The following MCPH1 variants were observed in gnomAD, a reference collection of about 807,000 sequenced individuals.
The protein encoded by MCPH1 is microcephalin.
MCPH1 carries 104 observed loss-of-function variants against 84.5 expected under a neutral mutation model. The ratio of observed to expected loss-of-function variants is 1.23; its 90% CI spans 1.05 to 1.45. The LOEUF (loss-of-function observed/expected upper bound fraction) is 1.45. MCPH1 is among the 40% of genes most tolerant of loss of function. The pLI, the probability that MCPH1 is intolerant of heterozygous loss-of-function variation, is 0.00. For synonymous variants in MCPH1, 514 were observed against 366.8 expected (o/e 1.40, Z -4.58); for missense variants, 1,498 against 1,005.7 (o/e 1.49, Z -6.62).
chr8:6,471,540 G>A (rs560769453), intron 9 of MCPH1, among the ~76,000 whole-genome samples: 1 of 152,236 alleles, frequency 6.6e-6, no homozygotes, highest in East Asian at 1.9e-4. Context: ...GAAGAGAAAG[G>A]GTTCCTTATG....
chr8:6,498,866 C>G (rs780295039), intron 11 of MCPH1, among the ~76,000 whole-genome samples: 1 of 151,818 alleles, frequency 6.6e-6, no homozygotes, highest in Non-Finnish European at 1.5e-5. Flanking sequence ...CTGGCCAACA[C>G]GGTGAAACCC....
intron 9 of MCPH1, among the ~76,000 whole-genome samples, chr8:6,467,653 T>C (rs1807148773): frequency 6.6e-6 from 1 of 152,158 alleles, no homozygotes; most frequent in African/African-American, 2.4e-5. Flanking sequence ...TGGAGTGCCG[T>C]GGCGAGATCA....
intron 12 of MCPH1, chr8:6,500,705 C>G (rs948751339): frequency 6.6e-6 from 1 of 152,172 alleles, no homozygotes; most frequent in African/African-American, 2.4e-5. Flanking sequence ...GCTTTATAAA[C>G]ATTTTCTTAA....
chr8:6,414,591 A>T (rs148384570), intron 2 of MCPH1, among the ~76,000 whole-genome samples, 174 bp from the exon 3 acceptor site: 10 of 152,282 alleles, frequency 6.6e-5, no homozygotes, highest in African/African-American at 2.4e-4. Context: ...TGTGTGTATG[A>T]TTCACCGTTG....
chr8:6,527,377 G>A (rs1458516575), intron 12 of MCPH1, among the ~76,000 whole-genome samples: 1 of 152,258 alleles, frequency 6.6e-6, no homozygotes, highest in African/African-American at 2.4e-5. Flanking sequence ...TGTTAGGAGA[G>A]CTGTGCCTGT....
At chr8:6,622,338 C>T (rs1352384457) in intron 13 of MCPH1, 1 of 157,632 alleles carries the variant, frequency 6.3e-6, no homozygotes, top group East Asian at 1.9e-4. Context: ...CGTGCTAACA[C>T]ACGGGCTCCA....
intron 12 of MCPH1, among the ~76,000 whole-genome samples, chr8:6,522,682 G>C (rs992159232): frequency 6.6e-6 from 1 of 151,524 alleles, no homozygotes; most frequent in African/African-American, 2.4e-5. Context: ...GCTGAGGCAG[G>C]AGAACTGCTT....
chr8:6,637,848 G>A (rs1411227737), intron 13 of MCPH1, among the ~76,000 whole-genome samples: 1 of 152,116 alleles, frequency 6.6e-6, no homozygotes, highest in Non-Finnish European at 1.5e-5. Context: ...TAGGACCAGG[G>A]ACGTATCGAT....
chr8:6,414,196 C>G (rs1585588108), intron 2 of MCPH1, among the ~76,000 whole-genome samples: 1 of 152,164 alleles, frequency 6.6e-6, no homozygotes, highest in East Asian at 1.9e-4. Context: ...TTAGTAGAGA[C>G]AAGGTTTCAC....
At chr8:6,415,398 A>G (rs1349272778) in intron 3 of MCPH1, among the ~76,000 whole-genome samples, 3 of 150,498 alleles carry the variant, frequency 2.0e-5, no homozygotes, top group Non-Finnish European at 2.9e-5. Context: ...AGTGATTCTT[A>G]TGCCTCAGCC....
At chr8:6,541,292 C>T (rs1482571757) in intron 12 of MCPH1, among the ~76,000 whole-genome samples, 1 of 152,196 alleles carries the variant, frequency 6.6e-6, no homozygotes, top group Non-Finnish European at 1.5e-5. Flanking sequence ...TCAGTGCCCA[C>T]CCCAAGTCTC....
intron 13 of MCPH1, chr8:6,625,811 T>C (rs1477841193): frequency 1.2e-5 from 12 of 985,238 alleles, no homozygotes; most frequent in African/African-American, 7.0e-5. Flanking sequence ...GAATCATTTT[T>C]CAGTGCCTTT....
intron 4 of MCPH1, among the ~76,000 whole-genome samples, chr8:6,434,584 T>A (rs1802363475): frequency 6.6e-6 from 1 of 152,238 alleles, no homozygotes; most frequent in African/African-American, 2.4e-5. Context: ...ACAAGCTCCA[T>A]GATGACAAGG....
intron 12 of MCPH1, among the ~76,000 whole-genome samples, chr8:6,515,289 G>C (rs144427712): frequency 1.3e-5 from 2 of 152,182 alleles, no homozygotes; most frequent in African/African-American, 4.8e-5. Flanking sequence ...TTACATTCTC[G>C]TACTGTGGGG....
chr8:6,568,154 T>C (rs1419446028), intron 12 of MCPH1, among the ~76,000 whole-genome samples: 1 of 152,116 alleles, frequency 6.6e-6, no homozygotes, highest in Non-Finnish European at 1.5e-5. Flanking sequence ...CCCTTTTGGC[T>C]CAGTTTGCCC....
intron 13 of MCPH1, chr8:6,622,088 G>A (rs1563203589): frequency 5.9e-6 from 2 of 337,224 alleles, no homozygotes; most frequent in African/African-American, 2.1e-5. Context: ...TGGGGCCCAA[G>A]CCCCCGTCCC....
chr8:6,640,079 TGTGTGTGTGTGTGTGTGTGC>T (rs1433966183), intron 13 of MCPH1, among the ~76,000 whole-genome samples: 1 of 144,240 alleles, frequency 6.9e-6, no homozygotes, highest in African/African-American at 2.7e-5. Context: ...TGTGTGTGTG[TGTGTGTGTGTGTGTGTGTGC>T]GCGCGCGTGT....
At chr8:6,439,747 A>G (rs1803232088) in intron 6 of MCPH1, among the ~76,000 whole-genome samples, 1 of 152,206 alleles carries the variant, frequency 6.6e-6, no homozygotes, top group African/African-American at 2.4e-5. Context: ...TAATGTATCT[A>G]AGGAATCAGT....
chr8:6,446,827 C>G (rs2166006), intron 8 of MCPH1: 1 of 984,920 alleles, frequency 1.0e-6, no homozygotes, highest in Non-Finnish European at 1.2e-6. Context: ...CCCCGTGTTG[C>G]TGGGAGTGTG....
Sources: gnomAD v4.1 joint callset for allele counts (sites outside exome capture counted in the v4.1 genomes callset) on GRCh38, gnomAD v4.1.1 for gene constraint, MANE v1.5 for transcripts, NCBI Gene and HGNC (gene_info 2026-07-23, HGNC 2026-07-21) for gene names.